The following CNTN5 variants were observed in gnomAD, a reference collection of about 807,000 sequenced individuals.
CNTN5 encodes contactin-5.
CNTN5 carries 77 observed loss-of-function variants against 129.1 expected under a neutral mutation model. The observed-to-expected ratio is 0.60, with a 90% confidence interval of 0.50 to 0.72. CNTN5 has a LOEUF of 0.72. Ranked by LOEUF, CNTN5 falls within the 30% of genes least tolerant of loss-of-function variation. The probability of loss-of-function intolerance (pLI) is 0.00; values close to 1 mark genes in which losing one functional copy is unlikely to be tolerated. For synonymous variants in CNTN5, 509 were observed against 465.6 expected, an observed-to-expected ratio of 1.09 and a Z score of -1.20; for missense variants, 1,478 against 1,328.8, an observed-to-expected ratio of 1.11 and a Z score of -1.75.
intron 1 of CNTN5, among the ~76,000 whole-genome samples, chr11:99,133,704 G>A (rs916947333): frequency 2.7e-5 from 4 of 149,924 alleles, no homozygotes; most frequent in African/African-American, 9.8e-5. Context: ...AAACTACAAT[G>A]AGATATCATC....
intron 20 of CNTN5, among the ~76,000 whole-genome samples, chr11:100,302,643 A>G (rs1170439768): frequency 1.3e-5 from 2 of 151,460 alleles, no homozygotes; most frequent in Non-Finnish European, 3.0e-5. Flanking sequence ...AAATGCAGCT[A>G]CCAGAATTTA....
At chr11:99,133,901 T>C (rs991283334) in intron 1 of CNTN5, among the ~76,000 whole-genome samples, 6 of 152,122 alleles carry the variant, frequency 3.9e-5, no homozygotes, top group African/African-American at 1.4e-4. Flanking sequence ...GCAATCCCAT[T>C]AGTGGGTATA....
intron 3 of CNTN5, among the ~76,000 whole-genome samples, chr11:99,805,986 A>C (rs1946256615): frequency 6.6e-6 from 1 of 152,232 alleles, no homozygotes; most frequent in South Asian, 2.1e-4. Context: ...ACAGCATGTG[A>C]GGTGTCACTA....
At chr11:99,195,546 A>G (rs898952148) in intron 1 of CNTN5, among the ~76,000 whole-genome samples, 1 of 151,952 alleles carries the variant, frequency 6.6e-6, no homozygotes, top group African/African-American at 2.4e-5. Flanking sequence ...TTTATAATCA[A>G]TTGTGTTTTC....
At chr11:99,103,668 A>G (rs1244958625) in intron 1 of CNTN5, among the ~76,000 whole-genome samples, 1 of 152,154 alleles carries the variant, frequency 6.6e-6, no homozygotes, top group Non-Finnish European at 1.5e-5. Flanking sequence ...CTATTTGGAA[A>G]AAAGGGTCTT....
At chr11:100,045,019 G>A (rs1231670696) in intron 9 of CNTN5, among the ~76,000 whole-genome samples, 4 of 151,958 alleles carry the variant, frequency 2.6e-5, no homozygotes, top group Admixed American at 6.6e-5. Flanking sequence ...TCAAAATGCA[G>A]TTTTCTCTCC....
At chr11:100,040,549 C>T (rs111799684) in intron 9 of CNTN5, among the ~76,000 whole-genome samples, 1 of 152,210 alleles carries the variant, frequency 6.6e-6, no homozygotes. Context: ...TTTTGTTTGT[C>T]TGTGCCCTGC....
chr11:100,139,754 C>G (rs1591305009), intron 13 of CNTN5, among the ~76,000 whole-genome samples: 1 of 152,210 alleles, frequency 6.6e-6, no homozygotes, highest in East Asian at 1.9e-4. Flanking sequence ...ACCCCAGCTA[C>G]TCGGGAGGCT....
chr11:100,164,875 T>C (rs1048042960), intron 13 of CNTN5, among the ~76,000 whole-genome samples: 3 of 151,872 alleles, frequency 2.0e-5, no homozygotes, highest in South Asian at 2.1e-4. Context: ...GTAAAAGAGA[T>C]TGATAATCCC....
At chr11:100,015,735 A>T (rs1336297972) in intron 9 of CNTN5, among the ~76,000 whole-genome samples, 2 of 152,130 alleles carry the variant, frequency 1.3e-5, no homozygotes, top group Non-Finnish European at 2.9e-5. Flanking sequence ...ACATGATAAA[A>T]TTTTTTAGTA....
At chr11:99,532,846 G>C (rs1947765071) in intron 2 of CNTN5, among the ~76,000 whole-genome samples, 1 of 152,164 alleles carries the variant, frequency 6.6e-6, no homozygotes. Flanking sequence ...TTTATCAGCA[G>C]TGTGAAAATG....
At chr11:99,668,658 G>A (rs149084688) in intron 3 of CNTN5, among the ~76,000 whole-genome samples, 19 of 152,282 alleles carry the variant, frequency 1.2e-4, no homozygotes, top group African/African-American at 4.6e-4. Flanking sequence ...TCTGGGAGCA[G>A]TGGCTCATGC....
intron 2 of CNTN5, among the ~76,000 whole-genome samples, chr11:99,550,655 A>G: frequency 6.6e-6 from 1 of 152,198 alleles, no homozygotes; most frequent in Non-Finnish European, 1.5e-5. Context: ...TGCAAGTGGG[A>G]GTAGAAACAC....
At chr11:99,582,773 C>G (rs532083900) in intron 3 of CNTN5, among the ~76,000 whole-genome samples, 1 of 152,154 alleles carries the variant, frequency 6.6e-6, no homozygotes. Flanking sequence ...GTTCAGACTT[C>G]CTCCTTTAGC....
intron 7 of CNTN5, among the ~76,000 whole-genome samples, chr11:99,923,350 T>G (rs572110208): frequency 1.3e-5 from 2 of 152,186 alleles, no homozygotes; most frequent in Non-Finnish European, 1.5e-5. Context: ...TTTTTCAGTT[T>G]AGTAATTTTG....
chr11:99,372,901 C>T (rs1458746325), intron 2 of CNTN5, among the ~76,000 whole-genome samples: 1 of 152,072 alleles, frequency 6.6e-6, no homozygotes, highest in African/African-American at 2.4e-5. Flanking sequence ...AGAGATAAAC[C>T]AGTTGAAATA....
intron 13 of CNTN5, among the ~76,000 whole-genome samples, chr11:100,081,398 A>G (rs1268562551): frequency 6.6e-6 from 1 of 152,170 alleles, no homozygotes; most frequent in Non-Finnish European, 1.5e-5. Flanking sequence ...AGAAACCAGC[A>G]GAGGAAAAAT....
At chr11:99,743,662 T>C (rs1361494519) in intron 3 of CNTN5, among the ~76,000 whole-genome samples, 2 of 152,152 alleles carry the variant, frequency 1.3e-5, no homozygotes, top group Non-Finnish European at 2.9e-5. Context: ...CATCCAGTCA[T>C]ACTTTACAGG....
At chr11:99,368,424 T>C (rs1477742205) in intron 2 of CNTN5, among the ~76,000 whole-genome samples, 1 of 151,900 alleles carries the variant, frequency 6.6e-6, no homozygotes, top group African/African-American at 2.4e-5. Context: ...GGAGGATCAC[T>C]TGAGCCCGGG....
Sources: allele counts gnomAD v4.1 joint callset (sites outside exome capture counted in the v4.1 genomes callset), GRCh38; gene constraint gnomAD v4.1.1; transcripts MANE v1.5; gene names NCBI Gene and HGNC (gene_info 2026-07-23, HGNC 2026-07-21).